The following GNAQ variants were observed in gnomAD, a reference collection of about 807,000 sequenced individuals.
The protein encoded by GNAQ is G protein subunit alpha q, also known as guanine nucleotide-binding protein G(q) subunit alpha.
In GNAQ, 8 loss-of-function variants were observed where a neutral mutation model predicts 43.9. The ratio of observed to expected loss-of-function variants is 0.18; its 90% CI spans 0.11 to 0.33. GNAQ has a LOEUF of 0.33. Among genes scored for constraint, GNAQ ranks in the 10% least tolerant of loss-of-function variants. The probability of loss-of-function intolerance (pLI) is 1.00; values close to 1 mark genes in which losing one functional copy is unlikely to be tolerated. For missense variants in GNAQ, 158 were observed against 450.8 expected (o/e 0.35, Z 5.88); for synonymous variants, 155 against 170.7 (o/e 0.91, Z 0.71).
intron 1 of GNAQ, among the ~76,000 whole-genome samples, chr9:77,973,139 T>C (rs568672043): frequency 8.5e-5 from 13 of 152,120 alleles, no homozygotes; most frequent in African/African-American, 2.7e-4. Context: ...GGTTAACAAA[T>C]GATTCTAAAT....
At chr9:77,894,354 G>A (rs375175150) in intron 2 of GNAQ, among the ~76,000 whole-genome samples, 2 of 39,306 alleles carry the variant, frequency 5.1e-5, no homozygotes, top group African/African-American at 7.3e-5. Context: ...ATATTTAATA[G>A]AAAATATATA....
intron 1 of GNAQ, among the ~76,000 whole-genome samples, chr9:78,009,288 C>T (rs1045990110): frequency 2.0e-5 from 3 of 152,174 alleles, no homozygotes; most frequent in Admixed American, 6.5e-5. Context: ...TGTGCACTGC[C>T]AGGGGTGCCA....
intron 5 of GNAQ, among the ~76,000 whole-genome samples, chr9:77,757,441 G>A (rs139208951): frequency 1.1e-3 from 171 of 152,168 alleles, no homozygotes; most frequent in African/African-American, 2.4e-3. Context: ...AATTGACTAA[G>A]TCATTCGCTC....
intron 2 of GNAQ, among the ~76,000 whole-genome samples, chr9:77,874,759 G>T (rs1828102752): frequency 6.6e-6 from 1 of 151,796 alleles, no homozygotes; most frequent in Non-Finnish European, 1.5e-5. Flanking sequence ...CAAGTAGCTG[G>T]GAATACAGGT....
intron 1 of GNAQ, among the ~76,000 whole-genome samples, chr9:77,960,775 A>T (rs943668270): frequency 6.1e-5 from 9 of 148,308 alleles, no homozygotes; most frequent in Admixed American, 3.3e-4. Context: ...ACTTTAACCT[A>T]AAAAAAATGA....
rs75604694 is a variant in GNAQ at position 78,000,933 on chromosome 9, C to T, written c.136+30167G>A. 2.0e-5 allele frequency among the ~76,000 whole-genome samples: 3 copies of T among 152,240 alleles called. No homozygotes were observed. In the East Asian group the frequency reaches 5.8e-4, roughly 29 times the overall value. On this transcript the variant is annotated intron_variant, in intron 1 of 6. Transcript: ENST00000286548. ...AAATGCACCAACCAATCACAATAAA[C>T]ACAAGATTAAAAATCAAAAACATAA...
chr9:77,948,483 G>C (rs146713817), intron 1 of GNAQ, among the ~76,000 whole-genome samples: 1 of 152,166 alleles, frequency 6.6e-6, no homozygotes, highest in African/African-American at 2.4e-5. Flanking sequence ...TAGCGGTAGG[G>C]ATGGAAGAGG....
intron 2 of GNAQ, among the ~76,000 whole-genome samples, chr9:77,862,856 C>G (rs1413889564): frequency 2.0e-5 from 3 of 152,158 alleles, no homozygotes; most frequent in Non-Finnish European, 4.4e-5. Context: ...TAACAGGACC[C>G]AAGTCACTTC....
chr9:78,023,348 C>G (rs1823934977), intron 1 of GNAQ, among the ~76,000 whole-genome samples: 1 of 152,194 alleles, frequency 6.6e-6, no homozygotes, highest in East Asian at 1.9e-4. Flanking sequence ...CACAGAAGCA[C>G]CAACTTGGAA....
intron 2 of GNAQ, among the ~76,000 whole-genome samples, chr9:77,899,560 A>G (rs1307733197): frequency 6.6e-6 from 1 of 152,022 alleles, no homozygotes; most frequent in African/African-American, 2.4e-5. Flanking sequence ...AACAAAAAAA[A>G]AAATCAAAAA....
chr9:77,814,710 C>T (rs1380097122), intron 3 of GNAQ, among the ~76,000 whole-genome samples: 1 of 152,192 alleles, frequency 6.6e-6, no homozygotes, highest in Non-Finnish European at 1.5e-5. Flanking sequence ...AGGGCCCACT[C>T]TCATCCAGTG....
At chr9:78,028,464 C>G (rs1437073411) in intron 1 of GNAQ, among the ~76,000 whole-genome samples, 1 of 152,088 alleles carries the variant, frequency 6.6e-6, no homozygotes, top group Non-Finnish European at 1.5e-5. Flanking sequence ...TATTAATACA[C>G]AAAAGTAAAT....
intron 1 of GNAQ, among the ~76,000 whole-genome samples, chr9:78,017,508 T>C (rs1823854177): frequency 6.6e-6 from 1 of 152,206 alleles, no homozygotes; most frequent in Non-Finnish European, 1.5e-5. Context: ...TGTATGTACA[T>C]TTCACCTTCA....
intron 5 of GNAQ, among the ~76,000 whole-genome samples, chr9:77,752,234 T>C (rs1205432817): frequency 6.6e-6 from 1 of 152,180 alleles, no homozygotes; most frequent in East Asian, 1.9e-4. Flanking sequence ...TTAATGTACC[T>C]CGGTAAAAAT....
chr9:77,894,858 C>G (rs1281991624), intron 2 of GNAQ, among the ~76,000 whole-genome samples: 1 of 151,654 alleles, frequency 6.6e-6, no homozygotes, highest in African/African-American at 2.4e-5. Flanking sequence ...AATTATACCT[C>G]AATATAATAT....
At chr9:77,966,093 T>C (rs1437418901) in intron 1 of GNAQ, among the ~76,000 whole-genome samples, 1 of 152,124 alleles carries the variant, frequency 6.6e-6, no homozygotes, top group Non-Finnish European at 1.5e-5. Flanking sequence ...TACTGTATGT[T>C]CCCTCAGGTG....
chr9:77,881,203 C>A (rs1002693634), intron 2 of GNAQ, among the ~76,000 whole-genome samples: 5 of 152,252 alleles, frequency 3.3e-5, no homozygotes, highest in African/African-American at 7.2e-5. Context: ...GCACCCCCCC[C>A]AAAACGGGCA....
At chr9:77,846,933 T>C (rs1448514434) in intron 2 of GNAQ, among the ~76,000 whole-genome samples, 1 of 152,120 alleles carries the variant, frequency 6.6e-6, no homozygotes, top group African/African-American at 2.4e-5. Flanking sequence ...CAGACAGGAC[T>C]AGACTTTTGC....
chr9:78,005,514 C>T (rs962571961), intron 1 of GNAQ, among the ~76,000 whole-genome samples: 1 of 152,140 alleles, frequency 6.6e-6, no homozygotes, highest in Non-Finnish European at 1.5e-5. Context: ...AATAACTGAG[C>T]GTTCTATGTG....
Sources: allele counts gnomAD v4.1 joint callset (sites outside exome capture counted in the v4.1 genomes callset), GRCh38; gene constraint gnomAD v4.1.1; transcripts MANE v1.5; gene names NCBI Gene and HGNC (gene_info 2026-07-23, HGNC 2026-07-21).